The following SYT1 variants were observed in gnomAD, a reference collection of about 807,000 sequenced individuals.
The protein encoded by SYT1 is synaptotagmin-1.
Under a neutral mutation model 44.8 loss-of-function variants are expected in SYT1, and 8 were observed. The observed-to-expected ratio is 0.18, with a 90% CI of 0.10 to 0.32. The LOEUF is 0.32. Among genes scored for constraint, SYT1 ranks in the 10% least tolerant of loss-of-function variants. The probability of loss-of-function intolerance (pLI) is 1.00; values close to 1 mark genes in which losing one functional copy is unlikely to be tolerated. For missense variants in SYT1, 286 were observed against 509.3 expected (o/e 0.56, Z 4.22); for synonymous variants, 154 against 188.8 (o/e 0.82, Z 1.51).
At chr12:79,234,594 T>G (rs1178577544) in intron 4 of SYT1, among the ~76,000 whole-genome samples, 2 of 152,252 alleles carry the variant, frequency 1.3e-5, no homozygotes, top group Admixed American at 1.3e-4. Flanking sequence ...CCATTTCTTT[T>G]TATTGCTGAG....
chr12:79,045,812 G>A (rs1383927016), intron 2 of SYT1: 4 of 152,216 alleles, frequency 2.6e-5, no homozygotes, highest in African/African-American at 9.6e-5. Flanking sequence ...ATCCCTTTGG[G>A]AAGCCTGGCC....
intron 3 of SYT1, among the ~76,000 whole-genome samples, chr12:79,116,838 A>G (rs992817482): frequency 1.3e-5 from 2 of 152,124 alleles, no homozygotes; most frequent in Middle Eastern, 3.2e-3. Flanking sequence ...GCCTACACCA[A>G]AATCCTGAGT....
chr12:78,938,476 T>C (rs1309571202), intron 1 of SYT1, among the ~76,000 whole-genome samples: 1 of 152,206 alleles, frequency 6.6e-6, no homozygotes, highest in African/African-American at 2.4e-5. Flanking sequence ...GCTATTATAT[T>C]GCCTGTTTTA....
At chr12:79,322,413 T>G (rs1881407680) in intron 8 of SYT1, among the ~76,000 whole-genome samples, 1 of 152,224 alleles carries the variant, frequency 6.6e-6, no homozygotes, top group Non-Finnish European at 1.5e-5. Context: ...TTAACTTTCA[T>G]GTTCCATATA....
intron 8 of SYT1, among the ~76,000 whole-genome samples, chr12:79,343,178 T>G (rs2139054813): frequency 6.6e-6 from 1 of 152,286 alleles, no homozygotes; most frequent in Non-Finnish European, 1.5e-5. Context: ...GTAATATGGA[T>G]GTCATTTGAA....
chr12:79,400,110 G>C (rs577554731), intron 9 of SYT1, among the ~76,000 whole-genome samples: 5 of 152,078 alleles, frequency 3.3e-5, no homozygotes, highest in Non-Finnish European at 7.4e-5. Flanking sequence ...TTTTCTCCAA[G>C]AATACACAAG....
In SYT1 at chr12:78,992,797, G is replaced by C. The variant is rs776838289; in HGVS notation, c.-84+14866G>C. Among the ~76,000 whole-genome samples the C allele has an allele frequency of 1.7e-4, 26 of 152,142 alleles. 1 individual carries two copies. The highest frequency in any genetic ancestry group is 3.9e-4 in the Admixed American group (6 of 15,264). On this transcript the variant is annotated intron_variant, in intron 2 of 10. Transcript: ENST00000261205. ...TTGCTGTCATGTTGCAGTAAGTAAG[G>C]TATCTGAGCTGCAGTCATCATGTGG...
chr12:79,071,413 G>A (rs1178390413), intron 3 of SYT1, among the ~76,000 whole-genome samples: 1 of 152,138 alleles, frequency 6.6e-6, no homozygotes, highest in East Asian at 1.9e-4. Context: ...TGTGCTAAAA[G>A]AGTACAAGGA....
chr12:79,300,276 T>C (rs1213353884), intron 8 of SYT1, among the ~76,000 whole-genome samples: 2 of 152,184 alleles, frequency 1.3e-5, no homozygotes, highest in Non-Finnish European at 2.9e-5. Context: ...AACATTTCAG[T>C]AGACCAATAC....
intron 3 of SYT1, among the ~76,000 whole-genome samples, chr12:79,198,538 T>C (rs147573425): frequency 1.1e-3 from 167 of 152,360 alleles, no homozygotes; most frequent in African/African-American, 3.7e-3. Flanking sequence ...TTTATTGATA[T>C]AAGTGGTTTC....
chr12:79,392,758 C>CA (rs1255366628), intron 9 of SYT1: 1 of 93,056 alleles, frequency 1.1e-5, no homozygotes, highest in East Asian at 2.7e-4. Flanking sequence ...ATCCTGAAAG[C>CA]ATTTTTTTTT....
intron 1 of SYT1, among the ~76,000 whole-genome samples, chr12:78,966,439 G>A (rs1305850975): frequency 1.3e-5 from 2 of 152,108 alleles, no homozygotes; most frequent in African/African-American, 4.8e-5. Context: ...GTCACACACT[G>A]ACTTTAGACA....
Position 79,292,066 on chromosome 12 carries a change from C to G in SYT1, c.410C>G (p.Pro137Arg). 6.2e-7 allele frequency: 1 copy of G among 1,613,884 alleles called. No individual in the cohort carries two copies. Among genetic ancestry groups the G allele is most frequent in the African/African-American group, 1.3e-5 (1 of 74,948 alleles). Residue 137 changes from proline to arginine, a missense_variant, in exon 6 of 11, where the codon CCC becomes CGC. By Grantham distance (103) the Pro-to-Arg change is moderately radical. This residue lies in a region of SYT1 where 141 missense variants were observed against 165.7 expected (regional missense o/e 0.85). Transcript: ENST00000261205. ...GLTDGEEKEE[P>R]KEEEKLGKLQ... ...ACAGATGGAGAAGAAAAAGAAGAAC[C>G]CAAAGAAGAGGAGAAACTGGGAAAA...
chr12:79,404,043 A>G (rs1466423214), intron 9 of SYT1, among the ~76,000 whole-genome samples: 1 of 152,152 alleles, frequency 6.6e-6, no homozygotes, highest in Admixed American at 6.6e-5. Context: ...GATCTATTTT[A>G]CTCTTATAAA....
chr12:79,422,731 C>T (rs1432195169), intron 9 of SYT1, among the ~76,000 whole-genome samples: 1 of 151,400 alleles, frequency 6.6e-6, no homozygotes. Flanking sequence ...CATTTTAATC[C>T]CTCTCTTTAA....
chr12:79,395,364 G>T (rs1179066081), intron 9 of SYT1, among the ~76,000 whole-genome samples: 3 of 152,006 alleles, frequency 2.0e-5, no homozygotes, highest in South Asian at 4.2e-4. Context: ...GATTACAGGG[G>T]CCCACGACCA....
At chr12:79,052,397 A>C (rs1355726443) in intron 3 of SYT1, among the ~76,000 whole-genome samples, 3 of 152,208 alleles carry the variant, frequency 2.0e-5, no homozygotes, top group Admixed American at 6.5e-5. Context: ...TAAAACCATA[A>C]AAACCCTAGA....
At chr12:79,024,369 T>C (rs2137638290) in intron 2 of SYT1, among the ~76,000 whole-genome samples, 1 of 151,928 alleles carries the variant, frequency 6.6e-6, no homozygotes, top group South Asian at 2.1e-4. Flanking sequence ...AGGGTTGTGC[T>C]GCTTCAAAAA....
At chr12:78,946,462 C>T (rs967115401) in intron 1 of SYT1, among the ~76,000 whole-genome samples, 1 of 152,120 alleles carries the variant, frequency 6.6e-6, no homozygotes, top group African/African-American at 2.4e-5. Flanking sequence ...CAAGACCAGC[C>T]TGGCCAACAA....
Sources: allele counts gnomAD v4.1 joint callset (sites outside exome capture counted in the v4.1 genomes callset), GRCh38; gene constraint gnomAD v4.1.1; regional missense constraint gnomAD v4.1.1; transcripts MANE v1.5; gene names NCBI Gene and HGNC (gene_info 2026-07-23, HGNC 2026-07-21).